FAM81A: variants seen among roughly 807,000 people sequenced by gnomAD.
FAM81A encodes protein FAM81A.
Under a neutral mutation model 46.7 loss-of-function variants are expected in FAM81A, and 19 were observed. That is an observed-to-expected ratio of 0.41 (90% confidence interval 0.28 to 0.60). The LOEUF is 0.60. FAM81A is among the 20% of genes least tolerant of loss of function. The pLI is 0.34. For missense variants in FAM81A, 377 were observed against 453.5 expected (o/e 0.83, Z 1.53); for synonymous variants, 183 against 152.9 (o/e 1.20, Z -1.45).
chr15:59,431,362 GT>G (rs2081219128), intron 2 of FAM81A, among the ~76,000 whole-genome samples: 1 of 152,040 alleles, frequency 6.6e-6, no homozygotes, highest in African/African-American at 2.4e-5. Context: ...AGCCTCCTGA[GT>G]AGCTGGGATT....
intron 4 of FAM81A, among the ~76,000 whole-genome samples, chr15:59,500,769 C>T (rs2082083001): frequency 6.6e-6 from 1 of 151,758 alleles, no homozygotes; most frequent in Non-Finnish European, 1.5e-5. Context: ...CTTTGTTCTA[C>T]CTATTCACGT....
intron 2 of FAM81A, among the ~76,000 whole-genome samples, chr15:59,411,494 A>C (rs923783965): frequency 6.6e-6 from 1 of 152,248 alleles, no homozygotes. Context: ...GTAGCCCTCA[A>C]ACGCAACAAA....
At chr15:59,428,100 C>G (rs1220723909) in intron 2 of FAM81A, among the ~76,000 whole-genome samples, 1 of 152,166 alleles carries the variant, frequency 6.6e-6, no homozygotes, top group South Asian at 2.1e-4. Context: ...GCCGTTTTAA[C>G]TCGGGTGAGA....
chr15:59,486,297 A>G (rs1463454346), intron 3 of FAM81A, among the ~76,000 whole-genome samples: 1 of 152,212 alleles, frequency 6.6e-6, no homozygotes, highest in Non-Finnish European at 1.5e-5. Flanking sequence ...TTGATCAAAC[A>G]GAAGAAAGAA....
Position 59,511,097 on chromosome 15 carries a change from A to G in FAM81A, c.650+2128A>G, listed in dbSNP as rs574815081. On this transcript the variant is annotated intron_variant, in intron 6 of 8. Coordinates refer to ENST00000288228, the MANE Select transcript of FAM81A (RefSeq NM_152450.3). Reference sequence around the variant, plus strand: ...GGCAACAGAGCGAGACTCCATCTCAAAAAAAGAAAACGAAGAAGAAACAAA... The same window carrying G: ...GGCAACAGAGCGAGACTCCATCTCAGAAAAAGAAAACGAAGAAGAAACAAA... Among the ~76,000 whole-genome samples the G allele has an allele frequency of 4.6e-5, 7 of 152,312 alleles. 1 individual carries two copies. The highest frequency in any genetic ancestry group is 2.1e-4 in the South Asian group (1 of 4,832).
intron 6 of FAM81A, among the ~76,000 whole-genome samples, chr15:59,510,111 A>G (rs2082189599): frequency 6.6e-6 from 1 of 152,198 alleles, no homozygotes; most frequent in South Asian, 2.1e-4. Flanking sequence ...CATGCCTATA[A>G]TCTCAGCACT....
intron 4 of FAM81A, among the ~76,000 whole-genome samples, chr15:59,502,365 G>GT (rs1405465533): frequency 2.0e-5 from 3 of 151,750 alleles, no homozygotes; most frequent in Admixed American, 2.0e-4. Context: ...AGAGTGTGAT[G>GT]TTCCCCTTCC....
chr15:59,398,783 A>AG (rs2081057982), intron 1 of FAM81A, among the ~76,000 whole-genome samples: 1 of 149,872 alleles, frequency 6.7e-6, no homozygotes, highest in Admixed American at 6.7e-5. Flanking sequence ...AAAAAAAAAA[A>AG]AAAAAGGAAA....
intron 3 of FAM81A, among the ~76,000 whole-genome samples, chr15:59,468,103 C>T (rs575011233): frequency 2.0e-5 from 3 of 152,164 alleles, no homozygotes; most frequent in South Asian, 2.1e-4. Context: ...CTGCTGGATT[C>T]GGTTTGCCAG....
chr15:59,443,786 A>C (rs1385381720), intron 1 of FAM81A, among the ~76,000 whole-genome samples: 2 of 151,862 alleles, frequency 1.3e-5, no homozygotes, highest in Non-Finnish European at 2.9e-5. Flanking sequence ...TTCTGTGCCT[A>C]CTGTCTCTCT....
At chr15:59,428,174 A>G (rs878888927) in intron 2 of FAM81A, among the ~76,000 whole-genome samples, 1 of 152,210 alleles carries the variant, frequency 6.6e-6, no homozygotes, top group African/African-American at 2.4e-5. Flanking sequence ...GCACCTTTTC[A>G]TACACCTGTT....
intron 8 of FAM81A, among the ~76,000 whole-genome samples, chr15:59,517,448 T>G (rs1260489034): frequency 2.0e-5 from 3 of 152,122 alleles, no homozygotes; most frequent in African/African-American, 7.2e-5. Context: ...AGTTAATGAG[T>G]CCTAAAAGAC....
intron 1 of FAM81A, among the ~76,000 whole-genome samples, chr15:59,439,786 C>T (rs1331144624): frequency 6.6e-6 from 1 of 152,122 alleles, no homozygotes; most frequent in Non-Finnish European, 1.5e-5. Context: ...CCATGAAGCC[C>T]TACCAACCAT....
At chr15:59,438,097 C>A (rs1215956398), upstream of FAM81A, 2 of 146,540 alleles carry the variant, frequency 1.4e-5, no homozygotes, top group Non-Finnish European at 3.0e-5. Context: ...GGCTCGCGCC[C>A]CCCGGGAGCC....
intron 4 of FAM81A, among the ~76,000 whole-genome samples, chr15:59,502,544 C>G (rs1316960118): frequency 1.3e-5 from 2 of 149,424 alleles, no homozygotes; most frequent in Non-Finnish European, 3.0e-5. Flanking sequence ...GACAGAGTTT[C>G]GCTCTGTTGC....
Position 59,521,474 on chromosome 15 carries a change from C to T in FAM81A, c.*96C>T. 1.4e-6 allele frequency: 2 copies of T among 1,405,960 alleles called. No individual in the cohort carries two copies. The highest frequency in any genetic ancestry group is 1.9e-6 in the Non-Finnish European group (2 of 1,061,288). The allele number at this position is 1,405,960 out of a possible 1,614,324, so 87.1% of individuals were successfully genotyped here. On this transcript the variant is annotated 3_prime_UTR_variant, in exon 9 of 9. Coordinates refer to ENST00000288228, the MANE Select transcript of FAM81A (RefSeq NM_152450.3). ...GGCCATCGCTGCATTCAGGATTGTTCCATCCATGGCGTGCATGTGCCAAGA... is the reference window on the plus strand; with the variant it reads ...GGCCATCGCTGCATTCAGGATTGTTTCATCCATGGCGTGCATGTGCCAAGA...
chr15:59,501,137 G>GT (rs2082086757), intron 4 of FAM81A, among the ~76,000 whole-genome samples: 1 of 152,106 alleles, frequency 6.6e-6, no homozygotes, highest in African/African-American at 2.4e-5. Flanking sequence ...TTGTTTGCAT[G>GT]TTTATTTGTT....
At chr15:59,406,129 C>T (rs2081093959) in intron 2 of FAM81A, among the ~76,000 whole-genome samples, 1 of 152,180 alleles carries the variant, frequency 6.6e-6, no homozygotes, top group Admixed American at 6.5e-5. Flanking sequence ...GTCTGAAAGA[C>T]AGTGCTAGAG....
chr15:59,509,089 TAAAAA>T, intron 6 of FAM81A, 120 bp downstream of exon 6: 1 of 771,110 alleles, frequency 1.3e-6, no homozygotes, highest in East Asian at 3.1e-5. Flanking sequence ...TAATGGAAGT[TAAAAA>T]GAAAAGTTTC....
Sources: gnomAD v4.1 joint callset for allele counts (sites outside exome capture counted in the v4.1 genomes callset) on GRCh38, gnomAD v4.1.1 for gene constraint, MANE v1.5 for transcripts, NCBI Gene and HGNC (gene_info 2026-07-23, HGNC 2026-07-21) for gene names.